Variants in ARL13B observed in about 807,000 individuals in gnomAD.
The protein encoded by ARL13B is ARF like GTPase 13B.
Under a neutral mutation model 56.1 loss-of-function variants are expected in ARL13B, and 36 were observed. That is an observed-to-expected ratio of 0.64 (90% CI 0.49 to 0.85). ARL13B has a LOEUF of 0.85. ARL13B is among the 40% of genes least tolerant of loss of function. The probability of loss-of-function intolerance (pLI) is 0.00; values close to 1 mark genes in which losing one functional copy is unlikely to be tolerated. For synonymous variants in ARL13B, 178 were observed against 171.1 expected, an observed-to-expected ratio of 1.04 and a Z score of -0.32; for missense variants, 519 against 507.1, an observed-to-expected ratio of 1.02 and a Z score of -0.23.
chr3:94,030,831 CAAAT>C (rs977781563), intron 3 of ARL13B, among the ~76,000 whole-genome samples: 9 of 151,922 alleles, frequency 5.9e-5, no homozygotes, highest in African/African-American at 1.7e-4. Flanking sequence ...TTGGATAAAA[CAAAT>C]AATGTCATTA....
intron 3 of ARL13B, among the ~76,000 whole-genome samples, chr3:94,026,649 A>C (rs1331523326): frequency 1.3e-5 from 2 of 152,208 alleles, no homozygotes; most frequent in Non-Finnish European, 2.9e-5. Flanking sequence ...TAAAATATGA[A>C]GCTCATAGTT....
Position 94,054,663 on chromosome 3 carries a change from C to G in ARL13B, c.*1400C>G. 2.6e-6 allele frequency: 1 copy of G among 380,730 alleles called. No individual in the cohort carries two copies. The allele number at this position is 380,730 out of a possible 1,614,324, so 23.6% of individuals were successfully genotyped here. A position where few individuals can be genotyped will look rare whatever the true frequency, so the allele number is the denominator to read the frequency against. ...CTTTAAAAATTGTACTTCAGAACAT[C>G]AGATTTTATTCACATTTTTTAACTC... is the stretch of plus-strand genomic sequence containing the variant. On this transcript the variant is annotated 3_prime_UTR_variant, in exon 10 of 10. Coordinates refer to ENST00000394222, the MANE Select transcript of ARL13B (RefSeq NM_001174150.2).
At chr3:94,001,251 G>A (rs1481814239) in intron 2 of ARL13B, among the ~76,000 whole-genome samples, 1 of 152,084 alleles carries the variant, frequency 6.6e-6, no homozygotes, top group Non-Finnish European at 1.5e-5. Flanking sequence ...AATAGAAGGT[G>A]TTCCATATAT....
chr3:94,006,291 G>A (rs749586698), intron 3 of ARL13B, among the ~76,000 whole-genome samples: 2 of 152,022 alleles, frequency 1.3e-5, no homozygotes, highest in Non-Finnish European at 2.9e-5. Context: ...GCAAGACTCT[G>A]TTTCAAAAAT....
At chr3:93,992,880 A>G (rs747260440) in intron 1 of ARL13B, among the ~76,000 whole-genome samples, 1 of 149,824 alleles carries the variant, frequency 6.7e-6, no homozygotes, top group East Asian at 2.0e-4. Context: ...TACAACCTCT[A>G]CCTCCCAGGT....
chr3:94,020,686 A>T (rs1296452209), intron 3 of ARL13B, among the ~76,000 whole-genome samples: 1 of 152,208 alleles, frequency 6.6e-6, no homozygotes, highest in Non-Finnish European at 1.5e-5. Flanking sequence ...GTATTACTTT[A>T]TTGCCACATG....
At position 94,043,176 on chromosome 3, in the gene ARL13B, T is replaced by C; in HGVS notation, c.960T>C (p.Tyr320=). The change falls in exon 7 of 10, where the codon TAT becomes TAC. Residue 320 remains tyrosine, a synonymous_variant. Coordinates refer to ENST00000394222, the MANE Select transcript of ARL13B (RefSeq NM_001174150.2). ...KNNEFGLVEN[Y]KEALTQQLKN... is the part of the protein sequence containing the mutation. Reference sequence around the variant, plus strand: ...ATGAATTTGGACTAGTAGAAAATTATAAGGAGGCATTAACACAGCAGTTAA... The same window carrying C: ...ATGAATTTGGACTAGTAGAAAATTACAAGGAGGCATTAACACAGCAGTTAA... 1.2e-6 allele frequency: 2 copies of C among 1,613,554 alleles called. No homozygotes were observed. The highest frequency in any genetic ancestry group is 1.3e-5 in the African/African-American group (1 of 74,988).
rs764802683 is a variant in ARL13B at position 94,053,554 on chromosome 3, T to C, written c.*291T>C. 17 of 549,130 alleles carry C rather than the reference T, an allele frequency of 3.1e-5. No individual in the cohort carries two copies. The highest frequency in any genetic ancestry group is 2.6e-4 in the South Asian group (17 of 65,308). The allele number at this position is 549,130 out of a possible 1,614,324, so 34.0% of individuals were successfully genotyped here. ...ACATCCCCACTCATGAGCATACTTC[T>C]GAAGGAAAACTTTACAAAAAGAGCC... On this transcript the variant is annotated 3_prime_UTR_variant, in exon 10 of 10. Coordinates refer to ENST00000394222, the MANE Select transcript of ARL13B (RefSeq NM_001174150.2).
intron 8 of ARL13B, among the ~76,000 whole-genome samples, chr3:94,050,487 T>C (rs927919122): frequency 1.1e-4 from 17 of 152,168 alleles, no homozygotes; most frequent in Non-Finnish European, 2.4e-4. Context: ...TAAGAATCTC[T>C]TATAGACTCA....
intron 2 of ARL13B, among the ~76,000 whole-genome samples, chr3:93,997,291 T>C (rs1220262907): frequency 6.6e-6 from 1 of 152,192 alleles, no homozygotes; most frequent in Non-Finnish European, 1.5e-5. Context: ...CTGGTGCTGC[T>C]GATCTAAAGG....
At chr3:94,015,239 T>C (rs1387845273) in intron 3 of ARL13B, 1 of 1,566,412 alleles carries the variant, frequency 6.4e-7, no homozygotes, top group Non-Finnish European at 8.6e-7. Context: ...TCCTTTGTTC[T>C]CTGCTTTAGT....
At position 94,034,506 on chromosome 3, in the gene ARL13B, A is replaced by AT. The variant is rs57343083; in HGVS notation, c.381-809dup. On this transcript the variant is annotated intron_variant, in intron 3 of 9. Coordinates refer to ENST00000394222, the MANE Select transcript of ARL13B (RefSeq NM_001174150.2). Reference sequence around the variant, plus strand: ...TCCAGTTTGTCTCTAATTGAGTACAATTTTTTTTTTTTTTTTAATTCCCAG... The same window carrying AT: ...TCCAGTTTGTCTCTAATTGAGTACAATTTTTTTTTTTTTTTTTAATTCCCAG... Among the ~76,000 whole-genome samples, 940 of 143,350 alleles carry AT rather than the reference A, an allele frequency of 6.6e-3. 7 individuals carry two copies. The highest frequency in any genetic ancestry group is 0.024 in the East Asian group (118 of 4,888). 94.0% of individuals were successfully genotyped at this position (143,350 alleles called of 152,430 possible). A position where few individuals can be genotyped will look rare whatever the true frequency, so the allele number is the denominator to read the frequency against.
chr3:94,050,226 G>T (rs2077047782), intron 8 of ARL13B, among the ~76,000 whole-genome samples: 2 of 149,220 alleles, frequency 1.3e-5, no homozygotes, highest in Admixed American at 6.7e-5. Flanking sequence ...TTGAAACCAA[G>T]ATGTATTAAT....
intron 9 of ARL13B, 59 bp downstream of exon 9, chr3:94,050,951 T>G (rs1161621862): frequency 6.6e-7 from 1 of 1,512,542 alleles, no homozygotes; most frequent in Admixed American, 1.7e-5. Context: ...CACTTTTCTT[T>G]AGCCTTATAA....
intron 4 of ARL13B, among the ~76,000 whole-genome samples, chr3:94,036,061 A>G (rs549410680): frequency 1.3e-5 from 2 of 152,304 alleles, no homozygotes; most frequent in Admixed American, 1.3e-4. Flanking sequence ...CAACAGAATG[A>G]GACACTGCCT....
chr3:94,037,961 G>C (rs1022282074), intron 5 of ARL13B, among the ~76,000 whole-genome samples: 2 of 151,998 alleles, frequency 1.3e-5, no homozygotes, highest in African/African-American at 4.8e-5. Context: ...CTCTTGAGGA[G>C]ACCTCTTCTG....
chr3:93,992,103 CTT>C (rs1244207786), intron 1 of ARL13B, among the ~76,000 whole-genome samples: 1 of 151,772 alleles, frequency 6.6e-6, no homozygotes, highest in East Asian at 1.9e-4. Context: ...AAGACAGACT[CTT>C]AAGGTAAAAG....
At chr3:94,051,540 A>G (rs2077067588) in intron 9 of ARL13B, among the ~76,000 whole-genome samples, 1 of 152,152 alleles carries the variant, frequency 6.6e-6, no homozygotes, top group Non-Finnish European at 1.5e-5. Context: ...TAGGAGAAGT[A>G]GAGAACTGCC....
At chr3:93,988,136 T>C (rs576291513) in intron 1 of ARL13B, among the ~76,000 whole-genome samples, 1 of 152,062 alleles carries the variant, frequency 6.6e-6, no homozygotes, top group African/African-American at 2.4e-5. Flanking sequence ...AACACAGTTA[T>C]TAGGAAATCA....
Sources: gnomAD v4.1 joint callset for allele counts (sites outside exome capture counted in the v4.1 genomes callset) on GRCh38, gnomAD v4.1.1 for gene constraint, MANE v1.5 for transcripts, NCBI Gene and HGNC (gene_info 2026-07-23, HGNC 2026-07-21) for gene names.